Variants in ROBO1 observed in about 807,000 individuals in gnomAD.
ROBO1 encodes roundabout guidance receptor 1.
Under a neutral mutation model 195.9 loss-of-function variants are expected in ROBO1, and 149 were observed. The observed-to-expected ratio is 0.76, with a 90% CI of 0.67 to 0.87. The LOEUF is 0.87. Among genes scored for constraint, ROBO1 ranks in the 40% least tolerant of loss-of-function variants. ROBO1 has a pLI of 0.00. For missense variants in ROBO1, 1,933 were observed against 2,068.3 expected (o/e 0.93, Z 1.27); for synonymous variants, 816 against 733.2 (o/e 1.11, Z -1.82).
chr3:79,064,758 A>C (rs180990285), intron 3 of ROBO1, among the ~76,000 whole-genome samples: 1 of 152,050 alleles, frequency 6.6e-6, no homozygotes, highest in East Asian at 1.9e-4. Context: ...TTTGACAAAC[A>C]TCTGGTCCCA....
intron 24 of ROBO1, among the ~76,000 whole-genome samples, chr3:78,632,126 G>A (rs986092784): frequency 1.3e-5 from 2 of 152,122 alleles, no homozygotes; most frequent in Non-Finnish European, 2.9e-5. Flanking sequence ...ATTCATATGT[G>A]AATTATAGAC....
At chr3:79,332,302 A>T (rs1442496827) in intron 2 of ROBO1, among the ~76,000 whole-genome samples, 1 of 152,178 alleles carries the variant, frequency 6.6e-6, no homozygotes, top group African/African-American at 2.4e-5. Context: ...GAAAAGTCTA[A>T]GATGTGCATT....
chr3:78,886,325 A>G (rs1483366543), intron 4 of ROBO1, among the ~76,000 whole-genome samples: 1 of 152,088 alleles, frequency 6.6e-6, no homozygotes, highest in East Asian at 1.9e-4. Flanking sequence ...GGCCAGGCGC[A>G]GTGGCTCACA....
chr3:79,233,770 C>T (rs1324053214), intron 2 of ROBO1, among the ~76,000 whole-genome samples: 1 of 152,076 alleles, frequency 6.6e-6, no homozygotes, highest in African/African-American at 2.4e-5. Flanking sequence ...CTCCTTTCTG[C>T]TCTCCACAGT....
At chr3:78,717,631 T>C (rs1314809795) in intron 6 of ROBO1, 132 bp downstream of exon 6, 1 of 1,099,410 alleles carries the variant, frequency 9.1e-7, no homozygotes, top group Non-Finnish European at 1.3e-6. Context: ...GCTTTTCTGA[T>C]TTCTTCTCTC....
intron 1 of ROBO1, among the ~76,000 whole-genome samples, chr3:79,608,243 A>G (rs567393037): frequency 6.6e-6 from 1 of 152,088 alleles, no homozygotes; most frequent in Admixed American, 6.6e-5. Flanking sequence ...AAATGGGGTT[A>G]TAATAATTAT....
chr3:79,232,014 T>G (rs1426492383), intron 2 of ROBO1, among the ~76,000 whole-genome samples: 1 of 151,942 alleles, frequency 6.6e-6, no homozygotes, highest in Non-Finnish European at 1.5e-5. Context: ...AGCTAAATGA[T>G]GAGAAGACAT....
At chr3:79,122,218 G>A (rs1293412543) in intron 3 of ROBO1, among the ~76,000 whole-genome samples, 2 of 151,872 alleles carry the variant, frequency 1.3e-5, no homozygotes, top group African/African-American at 2.4e-5. Flanking sequence ...TATATGCCGC[G>A]AACTGTTAAA....
intron 18 of ROBO1, among the ~76,000 whole-genome samples, chr3:78,654,623 C>G (rs1457998641): frequency 6.6e-6 from 1 of 152,118 alleles, no homozygotes; most frequent in East Asian, 1.9e-4. Context: ...ACTTAACAGA[C>G]TCAAGTGTGG....
intron 2 of ROBO1, among the ~76,000 whole-genome samples, chr3:79,494,582 A>T (rs1352876314): frequency 6.6e-6 from 1 of 152,192 alleles, no homozygotes; most frequent in African/African-American, 2.4e-5. Context: ...ACATTAACAG[A>T]TTCAGAATCC....
chr3:79,696,557 A>G (rs773846506), intron 1 of ROBO1, among the ~76,000 whole-genome samples: 2 of 151,066 alleles, frequency 1.3e-5, no homozygotes, highest in Non-Finnish European at 3.0e-5. Context: ...AACAAATTGG[A>G]AATAGCATAT....
chr3:79,589,654 T>A (rs1943933818), intron 2 of ROBO1, among the ~76,000 whole-genome samples, 170 bp downstream of exon 2: 1 of 151,826 alleles, frequency 6.6e-6, no homozygotes. Flanking sequence ...AGAATAATAA[T>A]TTGACCCCTG....
In ROBO1 at chr3:79,151,470, C is replaced by T. The variant is rs570213812; in HGVS notation, c.89-25931G>A. Among the ~76,000 whole-genome samples, 17 of 151,784 alleles carry T rather than the reference C, an allele frequency of 1.1e-4. No homozygotes were observed. In the East Asian group the frequency reaches 3.1e-3, roughly 28 times the overall value. On this transcript the variant is annotated intron_variant, in intron 2 of 30. Transcript: ENST00000464233. ...CTGCCACTATCTATCACTTCTTAAT[C>T]GCCCCTCGTCTCTCACCTGGACCAT...
chr3:79,485,220 A>T (rs1939095868), intron 2 of ROBO1, among the ~76,000 whole-genome samples: 1 of 152,148 alleles, frequency 6.6e-6, no homozygotes, highest in African/African-American at 2.4e-5. Context: ...GCTTTGGATA[A>T]AATAAGACAT....
At chr3:79,266,690 T>C (rs1389013996) in intron 2 of ROBO1, among the ~76,000 whole-genome samples, 2 of 151,612 alleles carry the variant, frequency 1.3e-5, no homozygotes, top group Admixed American at 6.6e-5. Flanking sequence ...GTAGGTCTAT[T>C]TGGTTGGTGT....
At chr3:78,997,871 G>A (rs1472084313) in intron 3 of ROBO1, among the ~76,000 whole-genome samples, 1 of 152,160 alleles carries the variant, frequency 6.6e-6, no homozygotes, top group Non-Finnish European at 1.5e-5. Flanking sequence ...AGTGCAAGCA[G>A]TTCAGCATTT....
intron 2 of ROBO1, among the ~76,000 whole-genome samples, chr3:79,254,750 C>T (rs1393453322): frequency 6.6e-6 from 1 of 152,114 alleles, no homozygotes; most frequent in Non-Finnish European, 1.5e-5. Context: ...ATTTCAATGC[C>T]CCTTATTGGG....
At chr3:79,286,488 A>G (rs1430020033) in intron 2 of ROBO1, among the ~76,000 whole-genome samples, 3 of 152,164 alleles carry the variant, frequency 2.0e-5, no homozygotes, top group Non-Finnish European at 2.9e-5. Context: ...GCCACATAGA[A>G]GCAAATTGAA....
intron 1 of ROBO1, among the ~76,000 whole-genome samples, chr3:79,692,416 A>G (rs2107089954): frequency 6.6e-6 from 1 of 152,034 alleles, no homozygotes; most frequent in African/African-American, 2.4e-5. Context: ...GGATACTTAC[A>G]TGCATATCCA....
Sources: allele counts gnomAD v4.1 joint callset (sites outside exome capture counted in the v4.1 genomes callset), GRCh38; gene constraint gnomAD v4.1.1; transcripts MANE v1.5; gene names NCBI Gene and HGNC (gene_info 2026-07-23, HGNC 2026-07-21).